The following STXBP5L variants were observed in gnomAD, a reference collection of about 807,000 sequenced individuals.
STXBP5L encodes the protein syntaxin-binding protein 5-like.
Under a neutral mutation model 144.5 loss-of-function variants are expected in STXBP5L, and 65 were observed. The ratio of observed to expected loss-of-function variants is 0.45; its 90% CI spans 0.37 to 0.55. The LOEUF is 0.55. Ranked by LOEUF, STXBP5L falls within the 20% of genes least tolerant of loss-of-function variation. The pLI is 0.00. For synonymous variants in STXBP5L, 505 were observed against 469.6 expected, an observed-to-expected ratio of 1.08 and a Z score of -0.97; for missense variants, 1,298 against 1,405.5, an observed-to-expected ratio of 0.92 and a Z score of 1.22.
intron 9 of STXBP5L, among the ~76,000 whole-genome samples, chr3:121,193,126 GA>G (rs2047769512): frequency 7.1e-6 from 1 of 141,420 alleles, no homozygotes; most frequent in Non-Finnish European, 1.5e-5. Flanking sequence ...AAATTTACAA[GA>G]AAAAAACAAA....
At chr3:121,365,456 G>A (rs529270669) in intron 20 of STXBP5L, among the ~76,000 whole-genome samples, 1 of 150,424 alleles carries the variant, frequency 6.6e-6, no homozygotes, top group Non-Finnish European at 1.5e-5. Flanking sequence ...CTTTTTACTA[G>A]TTATAAGTCT....
At chr3:121,060,987 T>G (rs1476520769) in intron 5 of STXBP5L, among the ~76,000 whole-genome samples, 1 of 152,202 alleles carries the variant, frequency 6.6e-6, no homozygotes, top group East Asian at 1.9e-4. Context: ...TCTGCTCTGA[T>G]CTTAGTTATT....
At chr3:121,308,014 G>A (rs1305668781) in intron 19 of STXBP5L, among the ~76,000 whole-genome samples, 2 of 152,148 alleles carry the variant, frequency 1.3e-5, no homozygotes, top group Non-Finnish European at 2.9e-5. Flanking sequence ...GGCCAGAAGG[G>A]AATGGGATGA....
chr3:120,975,988 T>G (rs1202796374), intron 3 of STXBP5L, among the ~76,000 whole-genome samples: 1 of 150,728 alleles, frequency 6.6e-6, no homozygotes, highest in Non-Finnish European at 1.5e-5. Flanking sequence ...TCATCAAGGA[T>G]ATTGGTCTAA....
At chr3:120,947,579 A>G (rs563355450) in intron 2 of STXBP5L, among the ~76,000 whole-genome samples, 7 of 151,976 alleles carry the variant, frequency 4.6e-5, no homozygotes, top group African/African-American at 1.7e-4. Flanking sequence ...CATTTCCATC[A>G]GTCCAGAAAG....
intron 20 of STXBP5L, among the ~76,000 whole-genome samples, chr3:121,367,592 CTTG>C (rs1560026616): frequency 1.7e-5 from 1 of 59,170 alleles, no homozygotes. Flanking sequence ...GTCTTCGACT[CTTG>C]TTTTTTTTTT....
chr3:121,355,436 G>T, intron 20 of STXBP5L, among the ~76,000 whole-genome samples: 1 of 151,904 alleles, frequency 6.6e-6, no homozygotes, highest in African/African-American at 2.4e-5. Context: ...TCATTAATTT[G>T]ATATTCCATC....
intron 5 of STXBP5L, among the ~76,000 whole-genome samples, chr3:121,106,201 T>C (rs1179543418): frequency 6.6e-6 from 1 of 152,176 alleles, no homozygotes; most frequent in African/African-American, 2.4e-5. Context: ...ATAGTATGAT[T>C]TGAAGAAAAA....
intron 20 of STXBP5L, among the ~76,000 whole-genome samples, chr3:121,350,469 G>A (rs1228344895): frequency 6.6e-6 from 1 of 152,014 alleles, no homozygotes; most frequent in Non-Finnish European, 1.5e-5. Flanking sequence ...GTATCTTTGT[G>A]GTGTTCTCTG....
At chr3:121,045,083 A>G (rs1947420498) in intron 4 of STXBP5L, among the ~76,000 whole-genome samples, 1 of 152,120 alleles carries the variant, frequency 6.6e-6, no homozygotes, top group South Asian at 2.1e-4. Flanking sequence ...GTAAGGCTAT[A>G]TAGTATATGT....
At chr3:121,259,214 G>A (rs1299946020) in intron 18 of STXBP5L, 46 bp downstream of exon 18, 3 of 1,377,356 alleles carry the variant, frequency 2.2e-6, no homozygotes, top group Non-Finnish European at 2.9e-6. Flanking sequence ...TAGCTAATAT[G>A]TTTGATTTTT....
intron 22 of STXBP5L, among the ~76,000 whole-genome samples, chr3:121,406,903 T>C (rs1180928390): frequency 6.6e-6 from 1 of 152,100 alleles, no homozygotes; most frequent in Non-Finnish European, 1.5e-5. Flanking sequence ...AATGAAAGAA[T>C]CGTGGGGTAG....
intron 20 of STXBP5L, among the ~76,000 whole-genome samples, chr3:121,378,088 A>C (rs191476765): frequency 6.6e-6 from 1 of 151,804 alleles, no homozygotes; most frequent in Non-Finnish European, 1.5e-5. Flanking sequence ...CAAACACCAC[A>C]TGTTCTCATT....
At chr3:121,352,615 A>G (rs1264027663) in intron 20 of STXBP5L, among the ~76,000 whole-genome samples, 1 of 152,146 alleles carries the variant, frequency 6.6e-6, no homozygotes, top group Admixed American at 6.5e-5. Flanking sequence ...ATATACAATC[A>G]TGTCATCTGC....
At chr3:121,355,369 G>A (rs1274368147) in intron 20 of STXBP5L, among the ~76,000 whole-genome samples, 1 of 152,020 alleles carries the variant, frequency 6.6e-6, no homozygotes, top group African/African-American at 2.4e-5. Flanking sequence ...ATATTTCTTG[G>A]AGGCTTTGTT....
chr3:121,247,935 C>A (rs1315719312), intron 14 of STXBP5L, among the ~76,000 whole-genome samples: 1 of 152,222 alleles, frequency 6.6e-6, no homozygotes, highest in African/African-American at 2.4e-5. Flanking sequence ...ACATTCCTAC[C>A]AACAATGTTT....
intron 3 of STXBP5L, among the ~76,000 whole-genome samples, chr3:120,969,203 A>ATT (rs546239807): frequency 6.9e-6 from 1 of 145,770 alleles, no homozygotes; most frequent in Admixed American, 6.9e-5. Flanking sequence ...GCCAACATCT[A>ATT]TTTTTTTTTT....
In STXBP5L at chr3:121,100,796, C is replaced by CA. The variant is rs536326221; in HGVS notation, c.471-14118dup. The stretch of plus-strand genomic sequence containing the variant: ...CCCCAAAATCCACACAATATATCGA[C>CA]AAAAAAAAAAAGTTGGTTCTTTGAA... On this transcript the variant is annotated intron_variant, in intron 5 of 26. Transcript: ENST00000471454. Among the ~76,000 whole-genome samples the CA allele has an allele frequency of 4.3e-3, 557 of 131,042 alleles. 2 individuals are homozygous for CA. Among genetic ancestry groups the CA allele is most frequent in the Non-Finnish European group, 4.9e-3 (296 of 60,116 alleles). The allele number at this position is 131,042 out of a possible 152,430, so 86.0% of individuals were successfully genotyped here. A position where few individuals can be genotyped will look rare whatever the true frequency, so the allele number is the denominator to read the frequency against.
intron 9 of STXBP5L, among the ~76,000 whole-genome samples, chr3:121,204,231 T>A (rs1281119532): frequency 6.6e-6 from 1 of 151,910 alleles, no homozygotes; most frequent in African/African-American, 2.4e-5. Flanking sequence ...AGAGCGAGAC[T>A]CTGTCTCAAA....
Sources: gnomAD v4.1 joint callset for allele counts (sites outside exome capture counted in the v4.1 genomes callset) on GRCh38, gnomAD v4.1.1 for gene constraint, MANE v1.5 for transcripts, NCBI Gene and HGNC (gene_info 2026-07-23, HGNC 2026-07-21) for gene names.